The following PTPRH variants were observed in gnomAD, a reference collection of about 807,000 sequenced individuals.
PTPRH encodes the protein protein tyrosine phosphatase receptor type H, also known as receptor-type tyrosine-protein phosphatase H.
In PTPRH, 113 loss-of-function variants were observed where a neutral mutation model predicts 130.2. The ratio of observed to expected loss-of-function variants is 0.87; its 90% CI spans 0.75 to 1.01. The LOEUF is 1.01. PTPRH is among the 50% of genes least tolerant of loss of function. PTPRH has a pLI of 0.00. For synonymous variants in PTPRH, 556 were observed against 577.9 expected, an observed-to-expected ratio of 0.96 and a Z score of 0.54; for missense variants, 1,430 against 1,425.0, an observed-to-expected ratio of 1.00 and a Z score of -0.06.
chr19:55,207,131 C>A, intron 2 of PTPRH, 35 bp downstream of exon 2: 2 of 1,611,572 alleles, frequency 1.2e-6, no homozygotes, highest in South Asian at 1.1e-5. Context: ...CCCACCTCTT[C>A]GAGTGGGCAG....
At chr19:55,201,249 C>T (rs1052627113) in intron 6 of PTPRH, among the ~76,000 whole-genome samples, 19 of 151,900 alleles carry the variant, frequency 1.3e-4, no homozygotes, top group African/African-American at 3.9e-4. Context: ...TGGTGGCCCA[C>T]GCCTGTAGTC....
At chr19:55,201,879 G>A (rs1299618802) in intron 6 of PTPRH, among the ~76,000 whole-genome samples, 177 bp downstream of exon 6, 3 of 152,208 alleles carry the variant, frequency 2.0e-5, no homozygotes, top group Non-Finnish European at 2.9e-5. Context: ...GCAGCTGGAG[G>A]TACCATGGAC....
chr19:55,193,957 T>C (rs759552440), intron 10 of PTPRH: 2 of 327,726 alleles, frequency 6.1e-6, no homozygotes, highest in Non-Finnish European at 1.2e-5. Flanking sequence ...CTAGTGATTC[T>C]CTTGCCTCAG....
chr19:55,182,302 G>C lies in PTPRH; in HGVS notation c.3063-151C>G, dbSNP rs1191526695. The C allele has an allele frequency of 4.2e-6, 4 of 961,304 alleles. No homozygotes were observed. In the African/African-American group the frequency reaches 6.6e-5, roughly 16 times the overall value. The allele number at this position is 961,304 out of a possible 1,614,324, so 59.5% of individuals were successfully genotyped here. A position where few individuals can be genotyped will look rare whatever the true frequency, so the allele number is the denominator to read the frequency against. ...GCACTTTGGGAGGCTGAGGCCGGTG[G>C]ATCACCCAAGGTCAGGAGTTCCAGA... is the stretch of plus-strand genomic sequence containing the variant. On this transcript the variant is annotated intron_variant, in intron 18 of 19. Coordinates refer to ENST00000376350, the MANE Select transcript of PTPRH (RefSeq NM_002842.5).
chr19:55,205,999 G>A (rs767290065), intron 3 of PTPRH, among the ~76,000 whole-genome samples: 5 of 152,218 alleles, frequency 3.3e-5, no homozygotes, highest in East Asian at 1.9e-4. Flanking sequence ...TTGGGAGGCC[G>A]AGGCAGGCGG....
rs199712465 is a variant in PTPRH, at chr19:55,206,706, G to A, written c.335C>T (p.Thr112Ile). The change falls in exon 3 of 20, where the codon ACT (threonine) becomes ATT (isoleucine). Residue 112 changes from threonine to isoleucine, a missense_variant. Transcript: ENST00000376350. ...EKDGVNSSVG[T>I]VTTATAPNPV... ...CCTCTTACCTGTGGCAGTAGTGACA[G>A]TCCCCACAGAGCTATTTACTCCGTC... The A allele has an allele frequency of 2.9e-5, 47 of 1,602,952 alleles. No individual in the cohort carries two copies. Among genetic ancestry groups the A allele is most frequent in the South Asian group, 4.4e-5 (4 of 90,628 alleles).
chr19:55,199,822 A>C (rs2086802256), intron 7 of PTPRH, among the ~76,000 whole-genome samples: 2 of 151,140 alleles, frequency 1.3e-5, no homozygotes, highest in South Asian at 4.2e-4. Flanking sequence ...AGAAAGAGAA[A>C]GAGAGAAAGG....
chr19:55,185,058 G>C (rs977174496), intron 18 of PTPRH, among the ~76,000 whole-genome samples: 5 of 150,138 alleles, frequency 3.3e-5, no homozygotes, highest in Admixed American at 2.7e-4. Flanking sequence ...GCAGTGGTGC[G>C]ACCTCAGCTC....
chr19:55,191,187 G>A (rs1485146199), intron 12 of PTPRH, among the ~76,000 whole-genome samples: 2 of 152,180 alleles, frequency 1.3e-5, no homozygotes, highest in African/African-American at 4.8e-5. Context: ...AGCCCCTGGC[G>A]GGCAAGAATC....
In PTPRH at chr19:55,186,405, C is replaced by T. The variant is rs2086327708; in HGVS notation, c.2644-46G>A. The T allele has an allele frequency of 3.1e-6, 5 of 1,612,648 alleles. No homozygotes were observed. The East Asian group carries it at 6.7e-5, about 22-fold the overall frequency. On this transcript the variant is annotated intron_variant, in intron 15 of 19. Transcript: ENST00000376350. The stretch of plus-strand genomic sequence containing the variant: ...GGTCAGGGGGGCCTTTAGTTGATCC[C>T]CGAGCTCTTATCTCTCCAGGCGTGC...
In PTPRH at chr19:55,182,729, G is replaced by A. The variant is rs144249079; in HGVS notation, c.3063-578C>T. Among the ~76,000 whole-genome samples, 132 of 152,258 alleles carry A rather than the reference G, an allele frequency of 8.7e-4. 1 individual carries two copies. The highest frequency in any genetic ancestry group is 3.4e-3 in the Middle Eastern group (1 of 294). On this transcript the variant is annotated intron_variant, in intron 18 of 19. Coordinates refer to ENST00000376350, the MANE Select transcript of PTPRH (RefSeq NM_002842.5). The stretch of plus-strand genomic sequence containing the variant: ...CACTCAGCTAATAAGTGGCAGAGCC[G>A]GGGTTCAAATACAGGAAGAGGAACT...
In PTPRH at chr19:55,186,332, C is replaced by A; in HGVS notation, c.2671G>T (p.Ala891Ser). 2 of 1,614,012 alleles carry A rather than the reference C, an allele frequency of 1.2e-6. No homozygotes were observed. The highest frequency in any genetic ancestry group is 2.2e-5 in the South Asian group (2 of 91,076). Reference sequence around the variant, plus strand: ...GTCTGTGGCAGGGGACCCTGGGTTGCAATGAACTCCTGGGGGCTCCAGAGA... The same window carrying A: ...GTCTGTGGCAGGGGACCCTGGGTTGAAATGAACTCCTGGGGGCTCCAGAGA... ...PGLWSPQEFIATQGPLPQTVG... is the reference protein window; with the variant it reads ...PGLWSPQEFISTQGPLPQTVG... The change falls in exon 16 of 20, where the codon GCA (alanine) becomes TCA (serine). Residue 891 changes from alanine (A) to serine (S), a missense_variant. Coordinates refer to ENST00000376350, the MANE Select transcript of PTPRH (RefSeq NM_002842.5).
chr19:55,200,197 C>G, intron 7 of PTPRH, 39 bp downstream of exon 7: 4 of 1,607,742 alleles, frequency 2.5e-6, no homozygotes, highest in Non-Finnish European at 3.4e-6. Context: ...GGTTCTTAAC[C>G]TCTCACCAAA....
chr19:55,194,384 C>T (rs943729355), intron 10 of PTPRH: 11 of 1,188,758 alleles, frequency 9.3e-6, no homozygotes, highest in Non-Finnish European at 1.2e-5. Context: ...GACTTGGCCT[C>T]ACAGAATTGG....
chr19:55,189,683 C>A (rs1200300462), intron 12 of PTPRH: 1 of 456,058 alleles, frequency 2.2e-6, no homozygotes, highest in South Asian at 1.5e-5. Context: ...CTTGAATATC[C>A]TGCCGAAAAT....
At chr19:55,195,167 G>C (rs564607773) in intron 10 of PTPRH, among the ~76,000 whole-genome samples, 3 of 152,124 alleles carry the variant, frequency 2.0e-5, no homozygotes, top group African/African-American at 7.2e-5. Flanking sequence ...TCTATTAAAA[G>C]TATAAAAGTT....
chr19:55,205,463 C>T lies in PTPRH; in HGVS notation c.482G>A (p.Gly161Asp). 1 of 1,614,210 alleles carries T rather than the reference C, an allele frequency of 6.2e-7. No individual in the cohort carries two copies. Among genetic ancestry groups the T allele is most frequent in the Non-Finnish European group, 8.5e-7 (1 of 1,180,048 alleles). The change falls in exon 4 of 20, where the codon GGC (glycine) becomes GAC (aspartate). Residue 161 changes from glycine (G) to aspartate (D), a missense_variant. By Grantham distance (94) the Gly-to-Asp change is moderately conservative. Coordinates refer to ENST00000376350, the MANE Select transcript of PTPRH (RefSeq NM_002842.5). ...TGCTGTGCTTCGAGTCCCTGCTCTG[C>T]CACCATCTCCAGTGTACTCAACCCC... Reference protein sequence around the residue: ...TYGVEYTGDGGRAGTRSTAHT... With the variant: ...TYGVEYTGDGDRAGTRSTAHT...
intron 10 of PTPRH, 150 bp downstream of exon 10, chr19:55,196,372 G>A: frequency 1.8e-6 from 2 of 1,113,538 alleles, no homozygotes; most frequent in Non-Finnish European, 2.5e-6. Context: ...TGGACAAGAA[G>A]AGCAAAACTC....
intron 6 of PTPRH, 106 bp from the exon 7 acceptor site, chr19:55,200,608 T>C: frequency 1.6e-6 from 2 of 1,277,850 alleles, no homozygotes; most frequent in Admixed American, 2.3e-5. Flanking sequence ...GTTCAACTGC[T>C]GGTGCCAGCA....
Sources: allele counts gnomAD v4.1 joint callset (sites outside exome capture counted in the v4.1 genomes callset), GRCh38; gene constraint gnomAD v4.1.1; transcripts MANE v1.5; gene names NCBI Gene and HGNC (gene_info 2026-07-23, HGNC 2026-07-21).